KHDRBS2: variants seen among roughly 807,000 people sequenced by gnomAD.
The protein encoded by KHDRBS2 is KH RNA binding domain containing, signal transduction associated 2.
A neutral mutation model predicts 44.3 loss-of-function variants in KHDRBS2; 26 were observed. The ratio of observed to expected loss-of-function variants is 0.59; its 90% CI spans 0.43 to 0.81. KHDRBS2 has a LOEUF of 0.81. Among genes scored for constraint, KHDRBS2 ranks in the 40% least tolerant of loss-of-function variants. KHDRBS2 has a pLI of 0.00. For missense variants in KHDRBS2, 476 were observed against 433.1 expected (o/e 1.10, Z -0.88); for synonymous variants, 194 against 151.1 (o/e 1.28, Z -2.08).
intron 2 of KHDRBS2, among the ~76,000 whole-genome samples, chr6:62,118,013 T>C (rs532409038): frequency 6.6e-6 from 1 of 152,278 alleles, no homozygotes; most frequent in East Asian, 1.9e-4. Flanking sequence ...TTACCACAAG[T>C]GATCTGCCCG....
At chr6:62,157,395 T>A (rs1432583087) in intron 2 of KHDRBS2, among the ~76,000 whole-genome samples, 1 of 152,142 alleles carries the variant, frequency 6.6e-6, no homozygotes. Flanking sequence ...TCAATATTTG[T>A]TTCATAGTTC....
chr6:62,165,474 CTT>C (rs1490508406), intron 2 of KHDRBS2, among the ~76,000 whole-genome samples: 1 of 150,810 alleles, frequency 6.6e-6, no homozygotes, highest in African/African-American at 2.4e-5. Context: ...GAAATAGAAA[CTT>C]GGCTTTATTA....
chr6:61,695,826 T>C (rs1486660272), intron 8 of KHDRBS2, among the ~76,000 whole-genome samples: 1 of 152,146 alleles, frequency 6.6e-6, no homozygotes, highest in Non-Finnish European at 1.5e-5. Context: ...TTAAGGAAGA[T>C]ACTCTTCTTC....
intron 6 of KHDRBS2, among the ~76,000 whole-genome samples, chr6:61,743,560 G>GA (rs1464613600): frequency 1.3e-5 from 2 of 151,904 alleles, no homozygotes; most frequent in African/African-American, 4.8e-5. Flanking sequence ...GAAGAAAAAT[G>GA]AAAAAAATTG....
At chr6:61,926,635 T>A (rs1324652285) in intron 4 of KHDRBS2, among the ~76,000 whole-genome samples, 1 of 152,148 alleles carries the variant, frequency 6.6e-6, no homozygotes, top group Non-Finnish European at 1.5e-5. Flanking sequence ...TAATCATCTT[T>A]AAGGGTGTTA....
intron 6 of KHDRBS2, among the ~76,000 whole-genome samples, chr6:61,782,551 T>G (rs1262640003): frequency 6.6e-6 from 1 of 151,596 alleles, no homozygotes; most frequent in East Asian, 1.9e-4. Context: ...TTCAAAAGAT[T>G]TTTATAGATT....
intron 6 of KHDRBS2, among the ~76,000 whole-genome samples, chr6:61,796,421 A>C (rs2127587618): frequency 6.6e-6 from 1 of 152,110 alleles, no homozygotes; most frequent in African/African-American, 2.4e-5. Flanking sequence ...ACTTATTCAA[A>C]AATATTAACA....
intron 1 of KHDRBS2, among the ~76,000 whole-genome samples, chr6:62,247,991 G>C (rs142274638): frequency 6.6e-6 from 1 of 151,952 alleles, no homozygotes; most frequent in African/African-American, 2.4e-5. Flanking sequence ...AAAACAAGTA[G>C]AGCATTTCAA....
intron 2 of KHDRBS2, among the ~76,000 whole-genome samples, chr6:62,157,431 T>C (rs2150109700): frequency 6.6e-6 from 1 of 152,334 alleles, no homozygotes; most frequent in Admixed American, 6.5e-5. Context: ...TATATCCAAC[T>C]AACTGAAATG....
In KHDRBS2 at chr6:61,709,077, C is replaced by T. The variant is rs553032229; in HGVS notation, c.894-11824G>A. On this transcript the variant is annotated intron_variant, in intron 7 of 8. Transcript: ENST00000281156. The stretch of plus-strand genomic sequence containing the variant: ...ATCAATGAGATAACCTGTGATAGGG[C>T]TGTTTTAAGTGTCTAGTACATATCA... Among the ~76,000 whole-genome samples the T allele has an allele frequency of 5.9e-5, 9 of 151,708 alleles. No individual in the cohort carries two copies. In the South Asian group the frequency reaches 1.9e-3, roughly 31 times the overall value.
intron 3 of KHDRBS2, among the ~76,000 whole-genome samples, chr6:62,003,693 C>A (rs1464782724): frequency 6.6e-6 from 1 of 152,064 alleles, no homozygotes; most frequent in African/African-American, 2.4e-5. Flanking sequence ...AACTCTCTAC[C>A]CAAAATCAAC....
At chr6:61,823,594 A>G (rs1790358201) in intron 6 of KHDRBS2, among the ~76,000 whole-genome samples, 1 of 152,108 alleles carries the variant, frequency 6.6e-6, no homozygotes, top group Non-Finnish European at 1.5e-5. Flanking sequence ...ATTATAACAA[A>G]TCAGTTCATT....
At chr6:62,122,714 C>CTATGTAACAACGTGCAGTTT (rs749271376) in intron 2 of KHDRBS2, among the ~76,000 whole-genome samples, 49 of 150,220 alleles carry the variant, frequency 3.3e-4, no homozygotes, top group African/African-American at 5.2e-4. Flanking sequence ...AAGACACCAC[C>CTATGTAACAACGTGCAGTTT]TGAAAGTGGA....
chr6:61,776,197 A>T (rs1323870142), intron 6 of KHDRBS2, among the ~76,000 whole-genome samples: 1 of 150,846 alleles, frequency 6.6e-6, no homozygotes, highest in East Asian at 1.9e-4. Flanking sequence ...CCTAGAAGAA[A>T]ACGTAGGCAT....
chr6:61,575,559 AG>A, the KHDRBS2 span, among the ~76,000 whole-genome samples: 8 of 152,210 alleles, frequency 5.3e-5, no homozygotes, highest in Non-Finnish European at 1.5e-5. Context: ...AATTCCTTAA[AG>A]AACTAAAAGT....
rs572640885 is a variant in KHDRBS2 at position 62,079,765 on chromosome 6, G to A, written c.220-31771C>T. ...TAATGCCTCTGCTAAGAGGGAGGAT[G>A]AAAGGACAGACATATCCTAAGTTTC... On this transcript the variant is annotated intron_variant, in intron 2 of 8. Coordinates refer to ENST00000281156, the MANE Select transcript of KHDRBS2 (RefSeq NM_152688.4). Among the ~76,000 whole-genome samples the A allele has an allele frequency of 9.2e-5, 14 of 152,182 alleles. No homozygotes were observed. The East Asian group carries it at 2.7e-3, about 29-fold the overall frequency.
At chr6:61,766,951 GTAAATACCTAT>G (rs1780101728) in intron 6 of KHDRBS2, among the ~76,000 whole-genome samples, 1 of 152,084 alleles carries the variant, frequency 6.6e-6, no homozygotes. Flanking sequence ...GAAATGTTCT[GTAAATACCTAT>G]TAGGGCTATT....
intron 6 of KHDRBS2, among the ~76,000 whole-genome samples, chr6:61,771,575 C>A (rs1048982220): frequency 3.3e-5 from 5 of 152,040 alleles, no homozygotes; most frequent in Non-Finnish European, 5.9e-5. Context: ...CACCAAAGAT[C>A]AAAAGAGACA....
intron 6 of KHDRBS2, among the ~76,000 whole-genome samples, chr6:61,850,550 T>C (rs1795271575): frequency 6.6e-6 from 1 of 152,214 alleles, no homozygotes. Context: ...GAAGAGCCTA[T>C]TTAAAATAAC....
Sources: gnomAD v4.1 joint callset for allele counts (sites outside exome capture counted in the v4.1 genomes callset) on GRCh38, gnomAD v4.1.1 for gene constraint, MANE v1.5 for transcripts, NCBI Gene and HGNC (gene_info 2026-07-23, HGNC 2026-07-21) for gene names.